The following OAS3 variants were observed in gnomAD, a reference collection of about 807,000 sequenced individuals.
OAS3 encodes the protein 2'-5'-oligoadenylate synthetase 3.
OAS3 carries 107 observed loss-of-function variants against 113.0 expected under a neutral mutation model. The ratio of observed to expected loss-of-function variants is 0.95; its 90% confidence interval spans 0.81 to 1.11. The LOEUF (loss-of-function observed/expected upper bound fraction) is 1.11. Ranked by LOEUF, OAS3 falls within the 50% of genes most tolerant of loss-of-function variation. The pLI is 0.00. For missense variants in OAS3, 1,258 were observed against 1,389.1 expected, an observed-to-expected ratio of 0.91 and a Z score of 1.50; for synonymous variants, 552 against 573.6, an observed-to-expected ratio of 0.96 and a Z score of 0.54.
intron 7 of OAS3, among the ~76,000 whole-genome samples, chr12:112,952,686 T>TATGA (rs2043802691): frequency 6.6e-6 from 1 of 152,224 alleles, no homozygotes; most frequent in Non-Finnish European, 1.5e-5. Flanking sequence ...AGAAAGGGTT[T>TATGA]ATGAGTGACA....
At chr12:112,955,500 A>G (rs1362373685) in intron 7 of OAS3, among the ~76,000 whole-genome samples, 3 of 152,198 alleles carry the variant, frequency 2.0e-5, no homozygotes, top group Admixed American at 2.0e-4. Flanking sequence ...TCCCATCAAT[A>G]CCTAGTTTAT....
At position 112,938,489 on chromosome 12, in the gene OAS3, G is replaced by C; in HGVS notation, c.-42G>C. On this transcript the variant is annotated 5_prime_UTR_variant, in exon 1 of 16. Transcript: ENST00000228928. Reference sequence around the variant, plus strand: ...AAACGAAACCAGAAATCCGAAGGCCGCGCCAGAGCCCTGCTTCCCCTTGCA... The same window carrying C: ...AAACGAAACCAGAAATCCGAAGGCCCCGCCAGAGCCCTGCTTCCCCTTGCA... 6.7e-7 allele frequency: 1 copy of C among 1,498,118 alleles called. No homozygotes were observed. The highest frequency in any genetic ancestry group is 8.9e-7 in the Non-Finnish European group (1 of 1,125,678). The allele number at this position is 1,498,118 out of a possible 1,614,324, so 92.8% of individuals were successfully genotyped here. A position where few individuals can be genotyped will look rare whatever the true frequency, so the allele number is the denominator to read the frequency against.
In OAS3 at chr12:112,950,983, C is replaced by T. The variant is rs755581825; in HGVS notation, c.1657+8C>T. On this transcript the variant is annotated splice_region_variant and intron_variant, in intron 7 of 15. Coordinates refer to ENST00000228928, the MANE Select transcript of OAS3 (RefSeq NM_006187.4). ...CTGCCTTCGATGCTGTGGGTGAGGG[C>T]GCCCAGCCTGTCCCTTGGAGAGTGA... 58 of 1,610,502 alleles carry T rather than the reference C, an allele frequency of 3.6e-5. No individual in the cohort carries two copies. The highest frequency in any genetic ancestry group is 2.7e-5 in the African/African-American group (2 of 74,856).
intron 3 of OAS3, 132 bp from the exon 4 acceptor site, chr12:112,946,611 C>G: frequency 1.4e-6 from 1 of 704,472 alleles, no homozygotes; most frequent in Non-Finnish European, 2.3e-6. Context: ...GCCACTTGTT[C>G]TTGGAACAGG....
In OAS3 at chr12:112,965,894, C is replaced by T; in HGVS notation, c.2554C>T (p.Gln852Ter). ...CCGAGCCCAGCTGGAGGCATGTCAA[C>T]AGGAGCGGCAGTTCGAGGTCAAGTT... is the stretch of plus-strand genomic sequence containing the variant. ...EIRAQLEACQ[Q>*]ERQFEVKFEV... The change falls in exon 12 of 16, where the codon CAG becomes TAG. Residue 852 changes from glutamine (Q) to a stop codon, truncating the protein, a stop_gained. Transcript: ENST00000228928. LOFTEE classifies it high-confidence loss of function. The T allele has an allele frequency of 6.2e-7, 1 of 1,613,720 alleles. No homozygotes were observed. Among genetic ancestry groups the T allele is most frequent in the Non-Finnish European group, 8.5e-7 (1 of 1,179,786 alleles).
chr12:112,939,300 T>C (rs2043658443), intron 1 of OAS3, among the ~76,000 whole-genome samples: 1 of 142,446 alleles, frequency 7.0e-6, no homozygotes, highest in African/African-American at 2.6e-5. Flanking sequence ...CTACTCTGAG[T>C]CACATCTTTT....
intron 8 of OAS3, 71 bp downstream of exon 8, chr12:112,961,317 C>T: frequency 7.2e-7 from 1 of 1,388,566 alleles, no homozygotes; most frequent in South Asian, 1.3e-5. Context: ...TCAGTTCCTC[C>T]TCTACACCCA....
At chr12:112,948,840 G>T in intron 5 of OAS3, 21 bp from the exon 6 acceptor site, 2 of 1,530,764 alleles carry the variant, frequency 1.3e-6, no homozygotes, top group Non-Finnish European at 1.8e-6. Flanking sequence ...GGCTGAGGCA[G>T]CTCCTTCAAT....
At chr12:112,958,885 C>T (rs992909419) in intron 7 of OAS3, among the ~76,000 whole-genome samples, 3 of 152,224 alleles carry the variant, frequency 2.0e-5, no homozygotes, top group Non-Finnish European at 2.9e-5. Context: ...CAGACAGGGA[C>T]GTTTAAGTCT....
chr12:112,962,563 C>A, intron 8 of OAS3, 89 bp from the exon 9 acceptor site: 1 of 1,456,188 alleles, frequency 6.9e-7, no homozygotes, highest in South Asian at 1.3e-5. Flanking sequence ...CTTCTATTTT[C>A]TATATTCCCT....
At position 112,963,152 on chromosome 12, in the gene OAS3, C is replaced by T. The variant is rs1171329757; in HGVS notation, c.2085-161C>T. 1.3e-5 allele frequency among the ~76,000 whole-genome samples: 2 copies of T among 152,202 alleles called. No homozygotes were observed. Among genetic ancestry groups the T allele is most frequent in the East Asian group, 3.8e-4 (2 of 5,198 alleles). On this transcript the variant is annotated intron_variant, in intron 9 of 15. Transcript: ENST00000228928. This position sits in a 1 kb window ranked among gnomAD's most constrained non-coding sequence, Gnocchi z 4.6. ...AGGGGCCACCCAATAGCTTTCCAAC[C>T]AAGGCAGCCAATTGAGATCGCTTCT... is the stretch of plus-strand genomic sequence containing the variant.
At chr12:112,942,798 CTAT>C (rs1270638727) in intron 2 of OAS3, among the ~76,000 whole-genome samples, 2 of 148,342 alleles carry the variant, frequency 1.3e-5, no homozygotes, top group Non-Finnish European at 3.0e-5. Flanking sequence ...GTTGTTGTTT[CTAT>C]TATTATTGTT....
At chr12:112,949,228 C>CA (rs1565976695) in intron 6 of OAS3, 23 bp downstream of exon 6, 1 of 1,538,650 alleles carries the variant, frequency 6.5e-7, no homozygotes, top group Non-Finnish European at 8.7e-7. Context: ...AGTGGAGACA[C>CA]AGGGGGGACC....
rs766506218 is a variant in OAS3 at position 112,962,769 on chromosome 12, A to T, written c.1951A>T (p.Met651Leu). The T allele has an allele frequency of 1.9e-6, 3 of 1,614,016 alleles. No individual in the cohort carries two copies. The highest frequency in any genetic ancestry group is 2.5e-6 in the Non-Finnish European group (3 of 1,179,894). ...GGGCTGCAGGCAGGATTGTTTCAACATGGCCCAAGGCTTCCGGACGGTGCT... is the reference window on the plus strand; with the variant it reads ...GGGCTGCAGGCAGGATTGTTTCAACTTGGCCCAAGGCTTCCGGACGGTGCT... ...EQGCRQDCFN[M>L]AQGFRTVLGL... The change falls in exon 9 of 16, where the codon ATG becomes TTG. Residue 651 changes from methionine (M) to leucine (L), a missense_variant. Coordinates refer to ENST00000228928, the MANE Select transcript of OAS3 (RefSeq NM_006187.4).
chr12:112,944,290 T>C (rs1302504260), intron 2 of OAS3, among the ~76,000 whole-genome samples, 186 bp from the exon 3 acceptor site: 1 of 152,214 alleles, frequency 6.6e-6, no homozygotes, highest in Non-Finnish European at 1.5e-5. Flanking sequence ...GTGCCGCTCT[T>C]CTTCCCTGCC....
chr12:112,967,283 G>A (rs1413269408), intron 12 of OAS3, 135 bp from the exon 13 acceptor site: 1 of 745,944 alleles, frequency 1.3e-6, no homozygotes, highest in South Asian at 1.9e-5. Flanking sequence ...AAAACACCCT[G>A]TGGCCTCCCA....
At position 112,971,896 on chromosome 12, in the gene OAS3, A is replaced by C. The variant is rs45562445; in HGVS notation, c.*1923A>C. ...TTGGTGCTGAACCAACGCTAAGGGCACCTTCTTAGACTCACCTCATCGATA... is the reference window on the plus strand; with the variant it reads ...TTGGTGCTGAACCAACGCTAAGGGCCCCTTCTTAGACTCACCTCATCGATA... On this transcript the variant is annotated 3_prime_UTR_variant, in exon 16 of 16. Coordinates refer to ENST00000228928, the MANE Select transcript of OAS3 (RefSeq NM_006187.4). The C allele has an allele frequency of 9.7e-3, 1,475 of 152,402 alleles. 12 individuals are homozygous for C. Among genetic ancestry groups the C allele is most frequent in the South Asian group, 0.032 (153 of 4,812 alleles). The allele number at this position is 152,402 out of a possible 1,614,324, so 9.4% of individuals were successfully genotyped here.
chr12:112,957,945 C>G (rs1007873834), intron 7 of OAS3, among the ~76,000 whole-genome samples: 1 of 152,180 alleles, frequency 6.6e-6, no homozygotes, highest in Non-Finnish European at 1.5e-5. Flanking sequence ...CAACTTGGTT[C>G]CATTCTCCCT....
In OAS3 at chr12:112,946,889, G is replaced by A. The variant is rs371278455; in HGVS notation, c.783G>A (p.Gln261=). 2.0e-4 allele frequency: 322 copies of A among 1,614,036 alleles called. 1 individual carries two copies. Among genetic ancestry groups the A allele is most frequent in the Middle Eastern group, 4.9e-4 (3 of 6,062 alleles). ...GLRTVLGLIQ[Q]HQHLCVFWTV... ...GAACTGTCCTGGGCCTGATCCAACA[G>A]CATCAGCACCTGTGTGTTTTCTGGA... The change falls in exon 4 of 16, where the codon CAG becomes CAA. Residue 261 remains glutamine, a synonymous_variant. Coordinates refer to ENST00000228928, the MANE Select transcript of OAS3 (RefSeq NM_006187.4).
Sources: gnomAD v4.1 joint callset for allele counts (sites outside exome capture counted in the v4.1 genomes callset) on GRCh38, gnomAD v4.1.1 for gene constraint, Gnocchi (gnomAD v3.1) non-coding constraint, MANE v1.5 for transcripts, NCBI Gene and HGNC (gene_info 2026-07-23, HGNC 2026-07-21) for gene names.